The following LUZP2 variants were observed in gnomAD, a reference collection of about 807,000 sequenced individuals.
The protein encoded by LUZP2 is leucine zipper protein 2.
Under a neutral mutation model 51.6 loss-of-function variants are expected in LUZP2, and 52 were observed. That is an observed-to-expected ratio of 1.01 (90% CI 0.81 to 1.27). LUZP2 has a LOEUF of 1.27. Ranked by LOEUF, LUZP2 falls within the 50% of genes most tolerant of loss-of-function variation. LUZP2 has a pLI of 0.00. For missense variants in LUZP2, 436 were observed against 395.4 expected (o/e 1.10, Z -0.87); for synonymous variants, 154 against 137.3 (o/e 1.12, Z -0.85).
intron 5 of LUZP2, among the ~76,000 whole-genome samples, chr11:24,830,129 C>T (rs1850656334): frequency 6.6e-6 from 1 of 152,010 alleles, no homozygotes; most frequent in Admixed American, 6.6e-5. Flanking sequence ...CGCTTAAAGC[C>T]TTCATAATCA....
chr11:24,740,463 C>A (rs2133987210), intron 4 of LUZP2, among the ~76,000 whole-genome samples: 1 of 152,172 alleles, frequency 6.6e-6, no homozygotes, highest in East Asian at 1.9e-4. Flanking sequence ...TCTTTCCCCC[C>A]AAAATTCTTC....
chr11:24,539,943 TATG>T (rs1376139990), intron 1 of LUZP2, among the ~76,000 whole-genome samples: 30 of 152,158 alleles, frequency 2.0e-4, no homozygotes, highest in Admixed American at 1.5e-3. Context: ...TCACCATTAT[TATG>T]ATATGTATGT....
In LUZP2 at chr11:24,527,601, T is replaced by C. The variant is rs1042489561; in HGVS notation, c.62+30296T>C. On this transcript the variant is annotated intron_variant, in intron 1 of 11. Transcript: ENST00000336930. Reference sequence around the variant, plus strand: ...CACACACACACACACACACACACATTTATTTGTTGGCATCTTCTAGAAATT... The same window carrying C: ...CACACACACACACACACACACACATCTATTTGTTGGCATCTTCTAGAAATT... Among the ~76,000 whole-genome samples the C allele has an allele frequency of 1.9e-3, 230 of 120,136 alleles. 3 individuals are homozygous for C. Among genetic ancestry groups the C allele is most frequent in the African/African-American group, 6.8e-3 (221 of 32,364 alleles). The allele number at this position is 120,136 out of a possible 152,430, so 78.8% of individuals were successfully genotyped here.
chr11:24,611,209 C>T lies in LUZP2; in HGVS notation c.62+113904C>T, dbSNP rs945661147. ...AAAATAGTCAACTTTTACTTTGTGC[C>T]GAGGTTGTGCTAGCTACTAAGACTG... On this transcript the variant is annotated intron_variant, in intron 1 of 11. Coordinates refer to ENST00000336930, the MANE Select transcript of LUZP2 (RefSeq NM_001009909.4). The surrounding 1 kb of genome is among the most constrained non-coding windows in gnomAD (Gnocchi z 4.6). 1.3e-5 allele frequency among the ~76,000 whole-genome samples: 2 copies of T among 151,556 alleles called. No individual in the cohort carries two copies. Among genetic ancestry groups the T allele is most frequent in the Non-Finnish European group, 2.9e-5 (2 of 67,912 alleles).
chr11:24,844,778 C>A (rs956413936), intron 5 of LUZP2, among the ~76,000 whole-genome samples: 3 of 152,140 alleles, frequency 2.0e-5, no homozygotes, highest in African/African-American at 7.2e-5. Context: ...AGAACTCGGG[C>A]CATGGCTTCA....
intron 1 of LUZP2, among the ~76,000 whole-genome samples, chr11:24,512,239 C>A (rs531552396): frequency 1.4e-3 from 207 of 152,086 alleles, no homozygotes; most frequent in African/African-American, 4.7e-3. Context: ...AAACAAATAG[C>A]GGTGGTGGTA....
At position 24,738,689 on chromosome 11, in the gene LUZP2, C is replaced by G. The variant is rs562964020; in HGVS notation, c.333+387C>G. Among the ~76,000 whole-genome samples the G allele has an allele frequency of 2.4e-4, 36 of 152,150 alleles. No individual in the cohort carries two copies. The South Asian group carries it at 5.6e-3, about 24-fold the overall frequency. ...CCACTGAATAAGGATCTCTCAGGAG[C>G]AGGGCCATGGAATCTATTTAATCCA... On this transcript the variant is annotated intron_variant, in intron 4 of 11. Transcript: ENST00000336930.
Position 24,826,190 on chromosome 11 carries a change from A to AAAAAAAATATATATATAT in LUZP2, c.396+62883_396+62884insAAAAAATATATATATATA, listed in dbSNP as rs1215786412. 1.5e-4 allele frequency among the ~76,000 whole-genome samples: 10 copies of AAAAAAAATATATATATAT among 67,550 alleles called. No individual in the cohort carries two copies. In the East Asian group the frequency reaches 1.7e-3, roughly 11 times the overall value. 44.3% of individuals were successfully genotyped at this position (67,550 alleles called of 152,430 possible). ...GACTCCATCTCAAAAAAAAAAAAAA[A>AAAAAAAATATATATATAT]ATATATATATATATATATAGTAAAA... On this transcript the variant is annotated intron_variant, in intron 5 of 11. Coordinates refer to ENST00000336930, the MANE Select transcript of LUZP2 (RefSeq NM_001009909.4).
chr11:24,588,467 T>C (rs972229364), intron 1 of LUZP2, among the ~76,000 whole-genome samples: 13 of 152,130 alleles, frequency 8.5e-5, no homozygotes, highest in Middle Eastern at 3.4e-3. Flanking sequence ...TGCAAAGAAA[T>C]GTAGACAAAG....
chr11:24,528,204 C>A (rs1850878050), intron 1 of LUZP2, among the ~76,000 whole-genome samples: 1 of 151,056 alleles, frequency 6.6e-6, no homozygotes, highest in Admixed American at 6.6e-5. Context: ...TCAAGGGTTA[C>A]TAGTTTCAGT....
At chr11:24,536,518 C>T (rs543538608) in intron 1 of LUZP2, among the ~76,000 whole-genome samples, 1 of 151,984 alleles carries the variant, frequency 6.6e-6, no homozygotes, top group South Asian at 2.1e-4. Context: ...TTCCTTAAAT[C>T]TTATGAACCA....
chr11:24,805,646 A>T (rs752627740), intron 5 of LUZP2, among the ~76,000 whole-genome samples: 14 of 152,138 alleles, frequency 9.2e-5, no homozygotes, highest in Non-Finnish European at 2.1e-4. Flanking sequence ...TAATCCCTGG[A>T]AGTATTTTAA....
rs12789403 is a variant in LUZP2, at chr11:24,607,834, T to A, written c.62+110529T>A. On this transcript the variant is annotated intron_variant, in intron 1 of 11. Coordinates refer to ENST00000336930, the MANE Select transcript of LUZP2 (RefSeq NM_001009909.4). Reference sequence around the variant, plus strand: ...GGTACATCTATCTCTATTTTATTTTTTTTTTTCATTTTTTATTTTAGTTTT... The same window carrying A: ...GGTACATCTATCTCTATTTTATTTTATTTTTTCATTTTTTATTTTAGTTTT... Among the ~76,000 whole-genome samples the A allele has an allele frequency of 3.1e-4, 46 of 150,510 alleles. No homozygotes were observed. The South Asian group carries it at 4.2e-3, about 14-fold the overall frequency.
At chr11:24,791,183 C>A (rs1849397902) in intron 5 of LUZP2, among the ~76,000 whole-genome samples, 1 of 152,104 alleles carries the variant, frequency 6.6e-6, no homozygotes, top group Admixed American at 6.6e-5. Flanking sequence ...TGAAATTCTT[C>A]TTAATGTTGC....
At chr11:24,737,507 A>AAAAAAAG (rs1386967743) in intron 3 of LUZP2, among the ~76,000 whole-genome samples, 31 of 152,024 alleles carry the variant, frequency 2.0e-4, no homozygotes, top group Non-Finnish European at 3.7e-4. Context: ...CGAGTAAAAA[A>AAAAAAAG]AAATCAAGGC....
intron 10 of LUZP2, among the ~76,000 whole-genome samples, chr11:25,054,148 T>G (rs755244261): frequency 6.6e-6 from 1 of 152,202 alleles, no homozygotes; most frequent in Non-Finnish European, 1.5e-5. Flanking sequence ...CACCAGTTTT[T>G]GGGGTGGTAG....
intron 1 of LUZP2, among the ~76,000 whole-genome samples, chr11:24,665,312 A>G (rs1590318790): frequency 6.6e-6 from 1 of 152,140 alleles, no homozygotes; most frequent in African/African-American, 2.4e-5. Flanking sequence ...CATCGTACCT[A>G]GAAAGTAACT....
At position 25,067,181 on chromosome 11, in the gene LUZP2, A is replaced by C. The variant is rs1412722339; in HGVS notation, c.859-10148A>C. Among the ~76,000 whole-genome samples, 3 of 151,834 alleles carry C rather than the reference A, an allele frequency of 2.0e-5. No homozygotes were observed. In the Admixed American group the frequency reaches 2.0e-4, roughly 10 times the overall value. Reference sequence around the variant, plus strand: ...AGAGACTGAGTCATTTTAAAAAGGAACTTTAGAGAAGTGTTTGTTCATATC... The same window carrying C: ...AGAGACTGAGTCATTTTAAAAAGGACCTTTAGAGAAGTGTTTGTTCATATC... On this transcript the variant is annotated intron_variant, in intron 10 of 11. Coordinates refer to ENST00000336930, the MANE Select transcript of LUZP2 (RefSeq NM_001009909.4).
chr11:24,530,621 G>C (rs1195643818), intron 1 of LUZP2, among the ~76,000 whole-genome samples: 1 of 150,526 alleles, frequency 6.6e-6, no homozygotes, highest in Non-Finnish European at 1.5e-5. Context: ...GTCCAGTATG[G>C]CTTGTCTCAC....
Sources: gnomAD v4.1 joint callset for allele counts (sites outside exome capture counted in the v4.1 genomes callset) on GRCh38, gnomAD v4.1.1 for gene constraint, Gnocchi (gnomAD v3.1) non-coding constraint, MANE v1.5 for transcripts, NCBI Gene and HGNC (gene_info 2026-07-23, HGNC 2026-07-21) for gene names.